ANGPT1: variants seen among roughly 807,000 people sequenced by gnomAD.
ANGPT1 encodes angiopoietin-1.
Under a neutral mutation model 62.2 loss-of-function variants are expected in ANGPT1, and 17 were observed. The ratio of observed to expected loss-of-function variants is 0.27; its 90% CI spans 0.19 to 0.41. ANGPT1 has a LOEUF of 0.41. Among genes scored for constraint, ANGPT1 ranks in the 10% least tolerant of loss-of-function variants. The probability of loss-of-function intolerance (pLI) is 1.00; values close to 1 mark genes in which losing one functional copy is unlikely to be tolerated. For missense variants in ANGPT1, 478 were observed against 594.9 expected (o/e 0.80, Z 2.04); for synonymous variants, 199 against 198.9 (o/e 1.00, Z 0.00).
At chr8:107,292,685 G>A (rs547566151) in intron 6 of ANGPT1, among the ~76,000 whole-genome samples, 21 of 152,046 alleles carry the variant, frequency 1.4e-4, no homozygotes, top group Non-Finnish European at 2.6e-4. Flanking sequence ...CAGACTGTTC[G>A]ACTGAGTATC....
In ANGPT1 at chr8:107,330,513, C is replaced by T. The variant is rs1478447803; in HGVS notation, c.575+5637G>A. ...TGTGCTAAAGAACTTGAACTCTCTT[C>T]TATCAGTTATAGAGAATTGTCATTT... On this transcript the variant is annotated intron_variant, in intron 3 of 8. Coordinates refer to ENST00000517746, the MANE Select transcript of ANGPT1 (RefSeq NM_001146.5). Among the ~76,000 whole-genome samples the T allele has an allele frequency of 2.0e-5, 3 of 152,142 alleles. No homozygotes were observed. In the East Asian group the frequency reaches 5.8e-4, roughly 29 times the overall value.
intron 5 of ANGPT1, among the ~76,000 whole-genome samples, chr8:107,295,968 G>C (rs1020713125): frequency 6.6e-6 from 1 of 152,000 alleles, no homozygotes; most frequent in African/African-American, 2.4e-5. Context: ...AAAATACTGA[G>C]GTTTAGAGTA....
chr8:107,417,957 T>G (rs991814473), intron 1 of ANGPT1, among the ~76,000 whole-genome samples: 5 of 152,138 alleles, frequency 3.3e-5, no homozygotes, highest in African/African-American at 4.8e-5. Flanking sequence ...CCTAGTAAGG[T>G]AAATAGAATT....
chr8:107,426,798 T>C (rs1366689378), intron 1 of ANGPT1, among the ~76,000 whole-genome samples: 4 of 152,200 alleles, frequency 2.6e-5, no homozygotes, highest in African/African-American at 4.8e-5. Context: ...TAACAAATGA[T>C]GTTTTACAGC....
intron 7 of ANGPT1, among the ~76,000 whole-genome samples, chr8:107,276,828 G>A (rs1813879085): frequency 6.6e-6 from 1 of 152,112 alleles, no homozygotes; most frequent in Admixed American, 6.6e-5. Flanking sequence ...ACTTCCCAAT[G>A]AAGATCTTGG....
intron 1 of ANGPT1, among the ~76,000 whole-genome samples, chr8:107,386,721 T>C (rs1211975535): frequency 6.6e-6 from 1 of 152,100 alleles, no homozygotes; most frequent in African/African-American, 2.4e-5. Context: ...GATCAATACA[T>C]ATAGAGCATT....
At chr8:107,497,009 C>T (rs1486438279) in intron 1 of ANGPT1, among the ~76,000 whole-genome samples, 4 of 152,104 alleles carry the variant, frequency 2.6e-5, no homozygotes. Context: ...AAAAGAGAAA[C>T]CAAAAATGTC....
chr8:107,459,611 A>C (rs554107218), intron 1 of ANGPT1, among the ~76,000 whole-genome samples: 15 of 152,348 alleles, frequency 9.8e-5, no homozygotes, highest in African/African-American at 3.4e-4. Context: ...AGCAATGTTT[A>C]CAACAGTTTT....
chr8:107,299,554 T>C (rs548232302), intron 5 of ANGPT1, among the ~76,000 whole-genome samples: 1 of 132,022 alleles, frequency 7.6e-6, no homozygotes, highest in African/African-American at 3.1e-5. Flanking sequence ...TAGATATACA[T>C]AGCATATATA....
chr8:107,315,440 A>G (rs1409268312), intron 4 of ANGPT1, among the ~76,000 whole-genome samples: 1 of 151,746 alleles, frequency 6.6e-6, no homozygotes. Flanking sequence ...ACTTCCTCTC[A>G]CTCATTTTAG....
At chr8:107,254,119 C>T (rs759538993) in intron 8 of ANGPT1, among the ~76,000 whole-genome samples, 35 of 152,034 alleles carry the variant, frequency 2.3e-4, no homozygotes, top group Non-Finnish European at 4.4e-4. Flanking sequence ...AAATGACCGG[C>T]GGGTCACTGC....
intron 1 of ANGPT1, among the ~76,000 whole-genome samples, chr8:107,452,262 G>A (rs527794523): frequency 6.6e-6 from 1 of 151,634 alleles, no homozygotes; most frequent in South Asian, 2.1e-4. Flanking sequence ...TAGAGAAAAT[G>A]TGAGCAATGA....
Position 107,457,890 on chromosome 8 carries a change from T to C in ANGPT1, c.297+39372A>G, listed in dbSNP as rs150116937. ...CACCAAGAGGGGAAAAAAATACCTA[T>C]GAAAGCATTTTCTTGGACATTGGCA... On this transcript the variant is annotated intron_variant, in intron 1 of 8. Transcript: ENST00000517746. Among the ~76,000 whole-genome samples, 481 of 151,048 alleles carry C rather than the reference T, an allele frequency of 3.2e-3. 4 individuals carry two copies. The highest frequency in any genetic ancestry group is 0.011 in the African/African-American group (462 of 41,094).
At chr8:107,354,791 T>G (rs1202995818) in intron 1 of ANGPT1, among the ~76,000 whole-genome samples, 1 of 152,200 alleles carries the variant, frequency 6.6e-6, no homozygotes. Context: ...CTTGGCTTTC[T>G]GTCTTTAATT....
intron 1 of ANGPT1, among the ~76,000 whole-genome samples, chr8:107,366,881 C>G (rs1586260649): frequency 6.6e-6 from 1 of 152,158 alleles, no homozygotes; most frequent in South Asian, 2.1e-4. Flanking sequence ...CTCTCTGGCT[C>G]TGTCTCTCGG....
At chr8:107,344,065 CATA>C (rs202018661) in intron 2 of ANGPT1, among the ~76,000 whole-genome samples, 1,569 of 151,978 alleles carry the variant, frequency 0.01, 21 homozygotes, top group African/African-American at 0.036. Context: ...TATCTCAAAA[CATA>C]ATAATAAAAG....
At chr8:107,370,993 T>A (rs2445366) in intron 1 of ANGPT1, among the ~76,000 whole-genome samples, 1 of 150,294 alleles carries the variant, frequency 6.7e-6, no homozygotes, top group African/African-American at 2.4e-5. Context: ...AAGCAATATC[T>A]GTAAAATGCT....
chr8:107,258,095 A>C (rs1473282616), intron 8 of ANGPT1, among the ~76,000 whole-genome samples: 1 of 151,464 alleles, frequency 6.6e-6, no homozygotes, highest in Non-Finnish European at 1.5e-5. Flanking sequence ...CTTCTCCCTC[A>C]TACTTCATTT....
At chr8:107,383,074 T>C (rs1414922965) in intron 1 of ANGPT1, among the ~76,000 whole-genome samples, 1 of 152,174 alleles carries the variant, frequency 6.6e-6, no homozygotes, top group East Asian at 1.9e-4. Context: ...CAGGATCAAG[T>C]CTACACTGTA....
Sources: allele counts gnomAD v4.1 joint callset (sites outside exome capture counted in the v4.1 genomes callset), GRCh38; gene constraint gnomAD v4.1.1; transcripts MANE v1.5; gene names NCBI Gene and HGNC (gene_info 2026-07-23, HGNC 2026-07-21).